The following SNRPD1 variants were observed in gnomAD, a reference collection of about 807,000 sequenced individuals.
The protein encoded by SNRPD1 is small nuclear ribonucleoprotein D1 polypeptide.
Under a neutral mutation model 14.4 loss-of-function variants are expected in SNRPD1, and 1 was observed. That is an observed-to-expected ratio of 0.07 (90% CI 0.02 to 0.33). The LOEUF (loss-of-function observed/expected upper bound fraction) is 0.33, where lower values mean the gene tolerates loss of function less well. Among genes scored for constraint, SNRPD1 ranks in the 10% least tolerant of loss-of-function variants. SNRPD1 has a pLI of 1.00. For missense variants in SNRPD1, 52 were observed against 146.4 expected (o/e 0.36, Z 3.33); for synonymous variants, 42 against 50.3 (o/e 0.83, Z 0.70).
chr18:21,624,004 A>G, intron 3 of SNRPD1, 65 bp downstream of exon 3: 2 of 922,300 alleles, frequency 2.2e-6, no homozygotes, highest in Non-Finnish European at 3.4e-6. Flanking sequence ...TTCATAATAT[A>G]GATATTATTT....
At position 21,612,361 on chromosome 18, in the gene SNRPD1, G is replaced by A; in HGVS notation, c.-69G>A. 2.3e-6 allele frequency: 3 copies of A among 1,303,028 alleles called. No homozygotes were observed. The highest frequency in any genetic ancestry group is 2.1e-6 in the Non-Finnish European group (2 of 953,768). 80.7% of individuals were successfully genotyped at this position (1,303,028 alleles called of 1,614,324 possible). The stretch of plus-strand genomic sequence containing the variant: ...GTAGGCGCTTCCGGCCATTCATACT[G>A]CAGTCGGTCAGTGTTCGGTTGAAGG... On this transcript the variant is annotated 5_prime_UTR_variant, in exon 1 of 4. Coordinates refer to ENST00000300413, the MANE Select transcript of SNRPD1 (RefSeq NM_006938.4).
At chr18:21,623,991 C>G (rs1217668275) in intron 3 of SNRPD1, 52 bp downstream of exon 3, 1 of 1,027,740 alleles carries the variant, frequency 9.7e-7, no homozygotes, top group Non-Finnish European at 1.5e-6. Flanking sequence ...CTAATCCACA[C>G]TATTCATAAT....
intron 2 of SNRPD1, 145 bp downstream of exon 2, chr18:21,622,946 TTA>T (rs1312784036): frequency 1.0e-5 from 5 of 495,638 alleles, no homozygotes; most frequent in African/African-American, 4.2e-5. Flanking sequence ...TTTTTTTTTT[TTA>T]AACAGTTTTG....
chr18:21,616,217 C>T (rs2146256105), intron 1 of SNRPD1, among the ~76,000 whole-genome samples: 1 of 152,142 alleles, frequency 6.6e-6, no homozygotes, highest in East Asian at 1.9e-4. Flanking sequence ...AATCTCCTGA[C>T]CTCGTGATCC....
chr18:21,612,805 T>G (rs754368760), intron 1 of SNRPD1, among the ~76,000 whole-genome samples: 3 of 152,256 alleles, frequency 2.0e-5, no homozygotes, highest in Non-Finnish European at 4.4e-5. Context: ...CTGTATGAGC[T>G]TATCTGGAAA....
At chr18:21,616,220 C>T (rs1174301369) in intron 1 of SNRPD1, among the ~76,000 whole-genome samples, 1 of 151,888 alleles carries the variant, frequency 6.6e-6, no homozygotes, top group Non-Finnish European at 1.5e-5. Context: ...CTCCTGACCT[C>T]GTGATCCGCC....
chr18:21,624,012 T>C (rs2039016659), intron 3 of SNRPD1, 73 bp downstream of exon 3: 1 of 859,968 alleles, frequency 1.2e-6, no homozygotes, highest in South Asian at 1.7e-5. Context: ...ATAGATATTA[T>C]TTGCAAACAA....
At chr18:21,613,833 C>T (rs1309738635) in intron 1 of SNRPD1, among the ~76,000 whole-genome samples, 4 of 112,728 alleles carry the variant, frequency 3.5e-5, no homozygotes, top group African/African-American at 1.5e-4. Flanking sequence ...CCAGCCTGGG[C>T]GACAGAGCGA....
intron 3 of SNRPD1, among the ~76,000 whole-genome samples, chr18:21,626,490 T>C (rs1259149052): frequency 1.3e-5 from 2 of 151,114 alleles, no homozygotes; most frequent in Non-Finnish European, 3.0e-5. Context: ...TAGGGAGTTA[T>C]TTAAAAATTA....
rs143424166 is a variant in SNRPD1 at position 21,629,581 on chromosome 18, G to A, written c.*443G>A. 4.3e-4 allele frequency: 69 copies of A among 161,434 alleles called. No individual in the cohort carries two copies. Among genetic ancestry groups the A allele is most frequent in the Middle Eastern group, 3.2e-3 (1 of 308 alleles). 10.0% of individuals were successfully genotyped at this position (161,434 alleles called of 1,614,324 possible). A position where few individuals can be genotyped will look rare whatever the true frequency, so the allele number is the denominator to read the frequency against. On this transcript the variant is annotated 3_prime_UTR_variant, in exon 4 of 4. Transcript: ENST00000300413. ...ATGGAAGTGAGATACAGCAACAGCC[G>A]GATTAGTTACAGTTCAGCGTTTGCC...
chr18:21,617,243 G>A (rs1177663465), intron 1 of SNRPD1, among the ~76,000 whole-genome samples: 1 of 151,654 alleles, frequency 6.6e-6, no homozygotes, highest in East Asian at 2.0e-4. Flanking sequence ...ATCACCTGAG[G>A]TCAGGAGTTC....
At position 21,612,368 on chromosome 18, in the gene SNRPD1, G is replaced by A; in HGVS notation, c.-62G>A. The A allele has an allele frequency of 2.2e-6, 3 of 1,393,246 alleles. No individual in the cohort carries two copies. The highest frequency in any genetic ancestry group is 1.4e-5 in the South Asian group (1 of 70,998). 86.3% of individuals were successfully genotyped at this position (1,393,246 alleles called of 1,614,324 possible). A position where few individuals can be genotyped will look rare whatever the true frequency, so the allele number is the denominator to read the frequency against. ...CTTCCGGCCATTCATACTGCAGTCGGTCAGTGTTCGGTTGAAGGATTCTGT... is the reference window on the plus strand; with the variant it reads ...CTTCCGGCCATTCATACTGCAGTCGATCAGTGTTCGGTTGAAGGATTCTGT... On this transcript the variant is annotated 5_prime_UTR_variant, in exon 1 of 4. Coordinates refer to ENST00000300413, the MANE Select transcript of SNRPD1 (RefSeq NM_006938.4).
intron 1 of SNRPD1, among the ~76,000 whole-genome samples, chr18:21,612,941 T>A (rs150846094): frequency 1.2e-4 from 19 of 152,332 alleles, no homozygotes; most frequent in Middle Eastern, 3.4e-3. Context: ...GGGCTCAAGC[T>A]TTCTGCCCGC....
At chr18:21,614,657 T>TA (rs1488919107) in intron 1 of SNRPD1, among the ~76,000 whole-genome samples, 1 of 152,220 alleles carries the variant, frequency 6.6e-6, no homozygotes, top group Non-Finnish European at 1.5e-5. Context: ...TGACATTTGA[T>TA]ACATTGCCAA....
intron 1 of SNRPD1, among the ~76,000 whole-genome samples, chr18:21,622,419 C>T (rs1026558828): frequency 6.6e-6 from 1 of 152,118 alleles, no homozygotes; most frequent in Non-Finnish European, 1.5e-5. Flanking sequence ...GAATTATAGG[C>T]GTGAGCCACC....
At chr18:21,612,473 C>T (rs1361267751) in intron 1 of SNRPD1, 30 bp downstream of exon 1, 9 of 1,476,252 alleles carry the variant, frequency 6.1e-6, no homozygotes, top group Non-Finnish European at 8.2e-6. Flanking sequence ...GCTCTGGGGG[C>T]TGTGAAGGGA....
At chr18:21,617,331 G>C (rs2038964898) in intron 1 of SNRPD1, among the ~76,000 whole-genome samples, 2 of 152,060 alleles carry the variant, frequency 1.3e-5, no homozygotes, top group South Asian at 4.1e-4. Context: ...TGGTTGTGGT[G>C]GCGAGTGCCT....
chr18:21,625,283 G>A (rs1054221819), intron 3 of SNRPD1, among the ~76,000 whole-genome samples: 15 of 130,428 alleles, frequency 1.2e-4, no homozygotes, highest in South Asian at 5.0e-4. Flanking sequence ...ACAGTTCCCA[G>A]TCTACTTTCT....
chr18:21,624,024 A>T (rs1187197007), intron 3 of SNRPD1, 85 bp downstream of exon 3: 1 of 791,478 alleles, frequency 1.3e-6, no homozygotes, highest in Non-Finnish European at 2.1e-6. Flanking sequence ...TGCAAACAAC[A>T]CAAGTGTCTT....
Sources: gnomAD v4.1 joint callset for allele counts (sites outside exome capture counted in the v4.1 genomes callset) on GRCh38, gnomAD v4.1.1 for gene constraint, MANE v1.5 for transcripts, NCBI Gene and HGNC (gene_info 2026-07-23, HGNC 2026-07-21) for gene names.